LIMCH1: variants seen among roughly 807,000 people sequenced by gnomAD.
LIMCH1 encodes LIM and calponin homology domains 1.
In LIMCH1, 113 loss-of-function variants were observed where a neutral mutation model predicts 176.5. The ratio of observed to expected loss-of-function variants is 0.64; its 90% CI spans 0.55 to 0.75. The LOEUF is 0.75. Among genes scored for constraint, LIMCH1 ranks in the 30% least tolerant of loss-of-function variants. LIMCH1 has a pLI of 0.00. For missense variants in LIMCH1, 1,674 were observed against 1,814.9 expected (o/e 0.92, Z 1.41); for synonymous variants, 619 against 645.9 (o/e 0.96, Z 0.63).
At chr4:41,419,561 CCCTTCCTT>C (rs536061729) in intron 1 of LIMCH1, among the ~76,000 whole-genome samples, 2,147 of 116,312 alleles carry the variant, frequency 0.018, 88 homozygotes, top group East Asian at 0.084. Flanking sequence ...CTTTCCTTTC[CCCTTCCTT>C]CCTTCCTTCC....
intron 1 of LIMCH1, among the ~76,000 whole-genome samples, chr4:41,412,522 T>A (rs2059585575): frequency 6.6e-6 from 1 of 152,176 alleles, no homozygotes; most frequent in Admixed American, 6.5e-5. Flanking sequence ...AACGTTAATA[T>A]TTAGGGCAGT....
At chr4:41,378,772 G>C (rs1278757117) in intron 1 of LIMCH1, among the ~76,000 whole-genome samples, 1 of 152,194 alleles carries the variant, frequency 6.6e-6, no homozygotes, top group Non-Finnish European at 1.5e-5. Flanking sequence ...GAGAGAAACA[G>C]AGAAATCCAG....
intron 1 of LIMCH1, among the ~76,000 whole-genome samples, chr4:41,436,691 C>T (rs1021059387): frequency 1.3e-5 from 2 of 152,038 alleles, no homozygotes; most frequent in African/African-American, 4.8e-5. Flanking sequence ...TCTGTGTGTA[C>T]TCTTTGGTCC....
intron 1 of LIMCH1, among the ~76,000 whole-genome samples, chr4:41,568,770 TTTGAAA>T (rs1399975943): frequency 6.6e-6 from 1 of 152,358 alleles, no homozygotes; most frequent in Non-Finnish European, 1.5e-5. Flanking sequence ...ATTGCTTGAC[TTTGAAA>T]TTGATTGCAG....
At chr4:41,384,042 A>C (rs2056110123) in intron 1 of LIMCH1, among the ~76,000 whole-genome samples, 1 of 152,230 alleles carries the variant, frequency 6.6e-6, no homozygotes, top group African/African-American at 2.4e-5. Flanking sequence ...AAGGCAAATA[A>C]TGAACTGAAA....
At chr4:41,606,990 G>C (rs1029509030) in intron 4 of LIMCH1, among the ~76,000 whole-genome samples, 1 of 152,128 alleles carries the variant, frequency 6.6e-6, no homozygotes, top group African/African-American at 2.4e-5. Flanking sequence ...GTGGAGACAG[G>C]GTTTCACCGT....
At chr4:41,393,853 T>G (rs1306699444) in intron 1 of LIMCH1, among the ~76,000 whole-genome samples, 1 of 152,232 alleles carries the variant, frequency 6.6e-6, no homozygotes, top group African/African-American at 2.4e-5. Context: ...ATTCAAAATG[T>G]ATCTTTATCC....
At chr4:41,469,090 C>T (rs777759782) in intron 1 of LIMCH1, among the ~76,000 whole-genome samples, 20 of 152,172 alleles carry the variant, frequency 1.3e-4, no homozygotes, top group Non-Finnish European at 2.5e-4. Flanking sequence ...CAAGAGTCAT[C>T]TGTGCATCCA....
At chr4:41,672,868 TA>T (rs1585704097) in intron 22 of LIMCH1, among the ~76,000 whole-genome samples, 1 of 152,338 alleles carries the variant, frequency 6.6e-6, no homozygotes, top group East Asian at 1.9e-4. Flanking sequence ...GAAGGTGTTA[TA>T]TAACTTCTCT....
chr4:41,576,713 A>C (rs1287148044), intron 1 of LIMCH1, among the ~76,000 whole-genome samples: 2 of 152,114 alleles, frequency 1.3e-5, no homozygotes, highest in African/African-American at 4.8e-5. Context: ...TGGCCAGTAA[A>C]TTTTGTGTTT....
intron 1 of LIMCH1, among the ~76,000 whole-genome samples, chr4:41,372,773 A>C (rs1176148532): frequency 1.2e-4 from 18 of 152,178 alleles, no homozygotes; most frequent in Non-Finnish European, 5.9e-5. Context: ...ATAAAGCAGC[A>C]CTGTTTTCAT....
intron 1 of LIMCH1, among the ~76,000 whole-genome samples, chr4:41,554,216 A>G (rs2080929554): frequency 6.6e-6 from 1 of 152,146 alleles, no homozygotes; most frequent in South Asian, 2.1e-4. Flanking sequence ...TCATTTATCT[A>G]TTATTGCAAT....
At position 41,374,703 on chromosome 4, in the gene LIMCH1, C is replaced by A. The variant is rs571597674; in HGVS notation, c.96+13767C>A. Reference sequence around the variant, plus strand: ...TCCCTACTTCATACAAAGGCTGACTCAGCAGCTCAATGATATCAGTAAGGA... The same window carrying A: ...TCCCTACTTCATACAAAGGCTGACTAAGCAGCTCAATGATATCAGTAAGGA... On this transcript the variant is annotated intron_variant, in intron 1 of 26. Transcript: ENST00000313860. 7.5e-4 allele frequency among the ~76,000 whole-genome samples: 114 copies of A among 152,236 alleles called. No homozygotes were observed. In the South Asian group the frequency reaches 0.022, roughly 30 times the overall value.
chr4:41,617,077 ATATC>A (rs1345158907), intron 5 of LIMCH1, among the ~76,000 whole-genome samples: 7 of 151,896 alleles, frequency 4.6e-5, no homozygotes, highest in East Asian at 1.9e-4. Flanking sequence ...ATATAAATAT[ATATC>A]TATATCTATA....
intron 2 of LIMCH1, among the ~76,000 whole-genome samples, chr4:41,503,587 T>G (rs2073750809): frequency 1.3e-5 from 2 of 152,120 alleles, no homozygotes; most frequent in African/African-American, 4.8e-5. Context: ...TACATAGGGG[T>G]GTGTTCAGAG....
chr4:41,495,557 A>C (rs1245576109), intron 2 of LIMCH1, among the ~76,000 whole-genome samples: 1 of 152,132 alleles, frequency 6.6e-6, no homozygotes, highest in Non-Finnish European at 1.5e-5. Context: ...CAACTTTCAG[A>C]ATATTGCTTG....
intron 7 of LIMCH1, among the ~76,000 whole-genome samples, chr4:41,622,496 A>G (rs2092656068): frequency 6.6e-6 from 1 of 152,156 alleles, no homozygotes; most frequent in African/African-American, 2.4e-5. Context: ...TCCTTAGAGT[A>G]TCTAAAACAG....
At chr4:41,623,690 G>A (rs1402963048) in intron 7 of LIMCH1, among the ~76,000 whole-genome samples, 2 of 152,184 alleles carry the variant, frequency 1.3e-5, no homozygotes, top group Non-Finnish European at 2.9e-5. Flanking sequence ...GAACCCGGGA[G>A]GCAGAGGTTG....
upstream of LIMCH1, among the ~76,000 whole-genome samples, chr4:41,536,706 C>T (rs868300241): frequency 2.0e-5 from 3 of 152,080 alleles, no homozygotes; most frequent in African/African-American, 7.2e-5. Context: ...ACAAAATACC[C>T]GACCAGTATT....
Sources: gnomAD v4.1 joint callset for allele counts (sites outside exome capture counted in the v4.1 genomes callset) on GRCh38, gnomAD v4.1.1 for gene constraint, MANE v1.5 for transcripts, NCBI Gene and HGNC (gene_info 2026-07-23, HGNC 2026-07-21) for gene names.